The following LINGO2 variants were observed in gnomAD, a reference collection of about 807,000 sequenced individuals.
LINGO2 encodes leucine rich repeat and Ig domain containing 2.
Under a neutral mutation model 30.6 loss-of-function variants are expected in LINGO2, and 14 were observed. The ratio of observed to expected loss-of-function variants is 0.46; its 90% CI spans 0.30 to 0.72. The LOEUF is 0.72. Among genes scored for constraint, LINGO2 ranks in the 30% least tolerant of loss-of-function variants. The pLI is 0.07. For missense variants in LINGO2, 729 were observed against 751.7 expected, an observed-to-expected ratio of 0.97 and a Z score of 0.35; for synonymous variants, 317 against 288.5, an observed-to-expected ratio of 1.10 and a Z score of -1.00.
chr9:28,552,967 T>C (rs373015283), intron 1 of LINGO2, among the ~76,000 whole-genome samples: 13 of 152,180 alleles, frequency 8.5e-5, no homozygotes, highest in Admixed American at 6.5e-4. Flanking sequence ...CCAGATATTT[T>C]GAAGCTTTCT....
the LINGO2 span, among the ~76,000 whole-genome samples, chr9:28,916,588 C>A: frequency 1.3e-5 from 2 of 152,154 alleles, no homozygotes; most frequent in African/African-American, 4.8e-5. Context: ...ACACCCCCAT[C>A]CCTACACAAT....
chr9:28,312,381 G>C lies in LINGO2; in HGVS notation c.-245-17015C>G, dbSNP rs149441165. ...GAAGAGGGGGTAATAGAGAGAGGGTGGTCAAGGAAAATAAGAAAATGATTA... is the reference window on the plus strand; with the variant it reads ...GAAGAGGGGGTAATAGAGAGAGGGTCGTCAAGGAAAATAAGAAAATGATTA... On this transcript the variant is annotated intron_variant, in intron 3 of 5. Coordinates refer to ENST00000379992, the Ensembl canonical transcript of LINGO2. Among the ~76,000 whole-genome samples the C allele has an allele frequency of 1.7e-3, 262 of 151,128 alleles. 1 individual carries two copies. Among genetic ancestry groups the C allele is most frequent in the African/African-American group, 6.0e-3 (246 of 41,248 alleles).
In LINGO2 at chr9:27,950,315, C is replaced by G. The variant is rs553651409; in HGVS notation, c.357G>C (p.Leu119=). 20 of 1,614,152 alleles carry G rather than the reference C, an allele frequency of 1.2e-5. 1 individual carries two copies. The Admixed American group carries it at 1.8e-4, about 15-fold the overall frequency. Residue 119 remains leucine, a synonymous_variant, in exon 6 of 6, where the codon CTG becomes CTC. Transcript: ENST00000379992. ...GCCCCGTGAATACTCCCAAAGGGAC[C>G]AGCTTTAGACGATTGCCTTTTAGGC... is the stretch of plus-strand genomic sequence containing the variant.
chr9:29,163,667 G>T, the LINGO2 span, among the ~76,000 whole-genome samples: 1 of 152,114 alleles, frequency 6.6e-6, no homozygotes, highest in Non-Finnish European at 1.5e-5. Context: ...TAAGCCATAA[G>T]ACTATGAAAA....
At chr9:28,632,498 G>C (rs900655974) in intron 1 of LINGO2, among the ~76,000 whole-genome samples, 8 of 149,976 alleles carry the variant, frequency 5.3e-5, no homozygotes, top group Non-Finnish European at 8.9e-5. Context: ...CTCTTAGAGA[G>C]ACAGAACTAA....
the LINGO2 span, among the ~76,000 whole-genome samples, chr9:28,925,584 G>T: frequency 6.6e-6 from 1 of 152,144 alleles, no homozygotes; most frequent in Non-Finnish European, 1.5e-5. Flanking sequence ...AACTCTCCTG[G>T]ACTCTGCTCT....
chr9:29,093,029 G>GTGTATATATATATA, the LINGO2 span, among the ~76,000 whole-genome samples: 2 of 98,554 alleles, frequency 2.0e-5, no homozygotes, highest in African/African-American at 7.9e-5. Context: ...TAATGTGTGT[G>GTGTATATATATATA]TATATATATA....
chr9:28,853,574 G>T, the LINGO2 span, among the ~76,000 whole-genome samples: 1 of 151,916 alleles, frequency 6.6e-6, no homozygotes, highest in Admixed American at 6.6e-5. Context: ...CCCCAAACGG[G>T]GTAATTTATA....
intron 4 of LINGO2, among the ~76,000 whole-genome samples, chr9:28,210,912 T>C (rs1820567423): frequency 6.6e-6 from 1 of 151,614 alleles, no homozygotes; most frequent in Admixed American, 6.6e-5. Flanking sequence ...TCATGAAGCC[T>C]ATAATAGAGC....
rs531647353 is a variant in LINGO2 at position 28,647,897 on chromosome 9, T to C, written c.-365+22303A>G. On this transcript the variant is annotated intron_variant, in intron 1 of 5. Transcript: ENST00000379992. ...GATATTTCTTTTTCTTTCTTTCTTT[T>C]TTTTTTTTTTTTTTACTCCTTACAT... 5.2e-3 allele frequency among the ~76,000 whole-genome samples: 751 copies of C among 144,704 alleles called. 4 individuals carry two copies. Among genetic ancestry groups the C allele is most frequent in the Non-Finnish European group, 8.1e-3 (539 of 66,860 alleles). The allele number at this position is 144,704 out of a possible 152,430, so 94.9% of individuals were successfully genotyped here. A position where few individuals can be genotyped will look rare whatever the true frequency, so the allele number is the denominator to read the frequency against.
chr9:29,113,561 C>A, the LINGO2 span, among the ~76,000 whole-genome samples: 151,922 of 152,330 alleles, frequency 1, 75,758 homozygotes, highest in Middle Eastern at 1. Flanking sequence ...TAACTGTTTC[C>A]GCTTACCCAA....
intron 3 of LINGO2, among the ~76,000 whole-genome samples, chr9:28,299,003 T>C (rs953378967): frequency 6.6e-6 from 1 of 152,206 alleles, no homozygotes; most frequent in Non-Finnish European, 1.5e-5. Context: ...CTACTACCCT[T>C]TTAGTATACC....
At chr9:28,889,366 A>C in the LINGO2 span, among the ~76,000 whole-genome samples, 2,761 of 152,166 alleles carry the variant, frequency 0.018, 85 homozygotes, top group African/African-American at 0.062. Context: ...CGAGATCAGA[A>C]TTCTAGCCCT....
the LINGO2 span, among the ~76,000 whole-genome samples, chr9:28,964,078 C>T: frequency 6.6e-6 from 1 of 151,482 alleles, no homozygotes; most frequent in South Asian, 2.1e-4. Context: ...TACACACATC[C>T]CCTCTACATA....
intron 1 of LINGO2, among the ~76,000 whole-genome samples, chr9:28,526,055 C>CAGAAAAAAAAAA (rs1821020282): frequency 2.1e-5 from 1 of 48,516 alleles, no homozygotes; most frequent in Non-Finnish European, 3.7e-5. Context: ...GACTCCGTCT[C>CAGAAAAAAAAAA]AAAAAAAAAA....
intron 4 of LINGO2, among the ~76,000 whole-genome samples, chr9:28,195,197 T>G (rs1819965949): frequency 6.6e-6 from 1 of 152,066 alleles, no homozygotes; most frequent in South Asian, 2.1e-4. Flanking sequence ...CATGTTGGAA[T>G]GTATAGGAAC....
At chr9:27,996,215 G>C (rs1821654244) in intron 5 of LINGO2, among the ~76,000 whole-genome samples, 1 of 152,036 alleles carries the variant, frequency 6.6e-6, no homozygotes, top group South Asian at 2.1e-4. Context: ...TAGCTACCAT[G>C]GAAAACAGTA....
intron 1 of LINGO2, among the ~76,000 whole-genome samples, chr9:28,624,973 C>A (rs964108911): frequency 2.0e-5 from 3 of 151,882 alleles, no homozygotes; most frequent in African/African-American, 7.2e-5. Flanking sequence ...ACTCCTTTAT[C>A]CACCCCAGCT....
chr9:29,077,679 G>T, the LINGO2 span, among the ~76,000 whole-genome samples: 2 of 152,116 alleles, frequency 1.3e-5, no homozygotes, highest in African/African-American at 4.8e-5. Flanking sequence ...TAAATTTGTT[G>T]TAAAGACCAT....
Sources: gnomAD v4.1 joint callset for allele counts (sites outside exome capture counted in the v4.1 genomes callset) on GRCh38, gnomAD v4.1.1 for gene constraint, MANE v1.5 for transcripts, NCBI Gene and HGNC (gene_info 2026-07-23, HGNC 2026-07-21) for gene names.